EFHB: variants seen among roughly 807,000 people sequenced by gnomAD.
EFHB encodes the protein EF-hand domain-containing family member B.
Under a neutral mutation model 87.2 loss-of-function variants are expected in EFHB, and 91 were observed. The observed-to-expected ratio is 1.04, with a 90% CI of 0.88 to 1.24. The LOEUF (loss-of-function observed/expected upper bound fraction) is 1.24. EFHB is among the 50% of genes most tolerant of loss of function. The pLI is 0.00. For synonymous variants in EFHB, 325 were observed against 333.6 expected (o/e 0.97, Z 0.28); for missense variants, 1,084 against 998.8 (o/e 1.09, Z -1.15).
intron 1 of EFHB, among the ~76,000 whole-genome samples, chr3:19,921,595 A>G (rs1488909552): frequency 6.6e-6 from 1 of 152,114 alleles, no homozygotes; most frequent in East Asian, 1.9e-4. Context: ...TGGGGGGGCC[A>G]AGATGGGAAA....
chr3:19,879,536 C>G lies in EFHB; in HGVS notation c.*95G>C. 7.3e-7 allele frequency: 1 copy of G among 1,369,402 alleles called. No individual in the cohort carries two copies. Among genetic ancestry groups the G allele is most frequent in the Non-Finnish European group, 9.8e-7 (1 of 1,022,066 alleles). The allele number at this position is 1,369,402 out of a possible 1,614,324, so 84.8% of individuals were successfully genotyped here. On this transcript the variant is annotated 3_prime_UTR_variant, in exon 13 of 13. Coordinates refer to ENST00000295824, the MANE Select transcript of EFHB (RefSeq NM_144715.4). The stretch of plus-strand genomic sequence containing the variant: ...GGCATATGAGTCTTACCACTGTGAA[C>G]TCTAACATAATATCTAAAACCAGAA...
chr3:19,899,614 T>C, intron 6 of EFHB, 99 bp from the exon 7 acceptor site: 1 of 702,332 alleles, frequency 1.4e-6, no homozygotes, highest in Non-Finnish European at 2.1e-6. Flanking sequence ...CATTAGGCCT[T>C]CCAGGAACAA....
chr3:19,926,302 G>A (rs867840249), intron 1 of EFHB, among the ~76,000 whole-genome samples: 5 of 151,702 alleles, frequency 3.3e-5, no homozygotes, highest in African/African-American at 7.3e-5. Context: ...TGGCCCCAGC[G>A]TTTATTTGTG....
chr3:19,905,539 A>G, intron 6 of EFHB, 81 bp downstream of exon 6: 8 of 1,461,568 alleles, frequency 5.5e-6, no homozygotes, highest in Non-Finnish European at 7.4e-6. Flanking sequence ...TACCTCTTCA[A>G]AAAATAAAGT....
At chr3:19,944,791 A>C (rs1212955313) in intron 1 of EFHB, among the ~76,000 whole-genome samples, 1 of 152,200 alleles carries the variant, frequency 6.6e-6, no homozygotes, top group Non-Finnish European at 1.5e-5. Flanking sequence ...AGGTCTTCTT[A>C]ATGTTCGTGA....
At chr3:19,929,014 C>G (rs74391748) in intron 1 of EFHB, among the ~76,000 whole-genome samples, 1 of 151,826 alleles carries the variant, frequency 6.6e-6, no homozygotes, top group Admixed American at 6.6e-5. Context: ...AATTTTCAAT[C>G]TAATTATAAG....
chr3:19,888,340 C>A (rs1694179334), intron 10 of EFHB, 104 bp downstream of exon 10: 1 of 566,378 alleles, frequency 1.8e-6, no homozygotes, highest in Non-Finnish European at 2.4e-6. Flanking sequence ...CAAGTAGGAC[C>A]AGCCTGGGCA....
rs1337103527 is a variant in EFHB, at chr3:19,933,385, T to C, written c.634A>G (p.Met212Val). Residue 212 changes from methionine to valine, a missense_variant, in exon 1 of 13, where the codon ATG (methionine) becomes GTG (valine). Coordinates refer to ENST00000295824, the MANE Select transcript of EFHB (RefSeq NM_144715.4). ...PDETKNTEPQ[M>V]GLVIEPPQCQ... Reference sequence around the variant, plus strand: ...TGGGGAGGTTCTATCACCAAGCCCATTTGGGGCTCTGTATTCTTAGTCTCA... The same window carrying C: ...TGGGGAGGTTCTATCACCAAGCCCACTTGGGGCTCTGTATTCTTAGTCTCA... 1 of 1,613,994 alleles carries C rather than the reference T, an allele frequency of 6.2e-7. No individual in the cohort carries two copies. Among genetic ancestry groups the C allele is most frequent in the Admixed American group, 1.7e-5 (1 of 60,010 alleles).
chr3:19,908,598 G>GAGAGAGAGAGAGAGAGAGAGAGAA (rs1694937855), intron 5 of EFHB, among the ~76,000 whole-genome samples: 2 of 77,856 alleles, frequency 2.6e-5, no homozygotes, highest in East Asian at 5.7e-4. Flanking sequence ...GAGAGAGAGA[G>GAGAGAGAGAGAGAGAGAGAGAGAA]AGAAAGAAAG....
chr3:19,884,455 A>G lies in EFHB; in HGVS notation c.2094T>C (p.Tyr698=), dbSNP rs2071762795. ...CATTGATCTCAGAAGAAGTTGTCTT[A>G]TAGTAGTTGGAAACTTTATCACTTG... ...LRPSDKVSNY[Y]KTTSSEINAI... The change falls in exon 11 of 13, where the codon TAT becomes TAC. Residue 698 remains tyrosine, a synonymous_variant. Coordinates refer to ENST00000295824, the MANE Select transcript of EFHB (RefSeq NM_144715.4). 6.2e-7 allele frequency: 1 copy of G among 1,613,972 alleles called. No individual in the cohort carries two copies. Among genetic ancestry groups the G allele is most frequent in the East Asian group, 2.2e-5 (1 of 44,862 alleles).
chr3:19,888,889 T>C (rs1006814016), intron 9 of EFHB, among the ~76,000 whole-genome samples: 2 of 152,226 alleles, frequency 1.3e-5, no homozygotes, highest in Admixed American at 1.3e-4. Flanking sequence ...CTCTCTACAA[T>C]TTTTATCCTT....
upstream of EFHB, among the ~76,000 whole-genome samples, chr3:19,939,163 T>C (rs533017625): frequency 5.1e-5 from 7 of 137,674 alleles, no homozygotes; most frequent in South Asian, 2.3e-4. Context: ...TGCCTTGGCC[T>C]CCCAAAGTGC....
intron 3 of EFHB, among the ~76,000 whole-genome samples, chr3:19,919,152 T>C (rs1695345851): frequency 6.6e-6 from 1 of 152,106 alleles, no homozygotes; most frequent in Admixed American, 6.6e-5. Flanking sequence ...TCCATATAAG[T>C]ATTCTATAGT....
At chr3:19,891,562 T>C (rs1694306043) in intron 9 of EFHB, among the ~76,000 whole-genome samples, 1 of 152,200 alleles carries the variant, frequency 6.6e-6, no homozygotes, top group Admixed American at 6.5e-5. Context: ...CTCCCCTTGA[T>C]AAACCTGTTA....
chr3:19,910,935 C>T (rs1385926163), intron 5 of EFHB, among the ~76,000 whole-genome samples: 1 of 152,220 alleles, frequency 6.6e-6, no homozygotes, highest in African/African-American at 2.4e-5. Context: ...GATCACAACA[C>T]ACAAGTCCTT....
At chr3:19,940,962 A>T (rs1007742471) in intron 1 of EFHB, 2 of 317,106 alleles carry the variant, frequency 6.3e-6, no homozygotes, top group Non-Finnish European at 6.3e-6. Flanking sequence ...TGACTACACC[A>T]TCGGTTTCAA....
rs139142859 is a variant in EFHB, at chr3:19,909,282, G to A, written c.1289-3533C>T. Among the ~76,000 whole-genome samples the A allele has an allele frequency of 1.8e-3, 272 of 152,176 alleles. 1 individual carries two copies. Among genetic ancestry groups the A allele is most frequent in the African/African-American group, 4.0e-3 (167 of 41,524 alleles). ...GCAGGGAGAACACAGCAATTGTGAG[G>A]TATCAAACTCAGTGCTTTCCTGTTA... is the stretch of plus-strand genomic sequence containing the variant. On this transcript the variant is annotated intron_variant, in intron 5 of 12. Coordinates refer to ENST00000295824, the MANE Select transcript of EFHB (RefSeq NM_144715.4).
At chr3:19,920,423 T>C (rs945458035) in intron 2 of EFHB, 82 bp downstream of exon 2, 2 of 1,164,014 alleles carry the variant, frequency 1.7e-6, no homozygotes, top group African/African-American at 1.6e-5. Context: ...ACCACTTTCA[T>C]AAGGAACGTT....
intron 9 of EFHB, among the ~76,000 whole-genome samples, chr3:19,895,887 C>T (rs1694464571): frequency 2.6e-5 from 4 of 152,170 alleles, no homozygotes; most frequent in Admixed American, 2.6e-4. Context: ...TCAGCATAAG[C>T]TAAAGGCAGT....
Sources: allele counts gnomAD v4.1 joint callset (sites outside exome capture counted in the v4.1 genomes callset), GRCh38; gene constraint gnomAD v4.1.1; transcripts MANE v1.5; gene names NCBI Gene and HGNC (gene_info 2026-07-23, HGNC 2026-07-21).